The following ACTN3 variants were observed in gnomAD, a reference collection of about 807,000 sequenced individuals.
ACTN3 encodes the protein alpha-actinin-3.
ACTN3 carries 91 observed loss-of-function variants against 119.6 expected under a neutral mutation model. The ratio of observed to expected loss-of-function variants is 0.76; its 90% CI spans 0.64 to 0.91. ACTN3 has a LOEUF of 0.91. ACTN3 is among the 40% of genes least tolerant of loss of function. The pLI, the probability that ACTN3 is intolerant of heterozygous loss-of-function variation, is 0.00. For synonymous variants in ACTN3, 456 were observed against 478.8 expected (o/e 0.95, Z 0.62); for missense variants, 1,221 against 1,215.1 (o/e 1.00, Z -0.07).
intron 11 of ACTN3, 125 bp from the exon 12 acceptor site, chr11:66,559,111 C>T (rs1857671829): frequency 9.4e-7 from 1 of 1,069,248 alleles, no homozygotes; most frequent in Non-Finnish European, 1.3e-6. Context: ...CAGAGCAAAT[C>T]CCTAGGACGA....
At position 66,559,343 on chromosome 11, in the gene ACTN3, C is replaced by G. The variant is rs753414412; in HGVS notation, c.1384C>G (p.Gln462Glu). The change falls in exon 12 of 21, where the codon CAG becomes GAG. Residue 462 changes from glutamine (Q) to glutamate (E), a missense_variant. This residue lies in a region of ACTN3 where 934 missense variants were observed against 899.9 expected (regional missense o/e 1.04). Coordinates refer to ENST00000513398, the MANE Select transcript of ACTN3 (RefSeq NM_001104.4). ...EAFESDLAAH[Q>E]DRVEHIAALA... Reference sequence around the variant, plus strand: ...CTTTGAGAGCGACCTGGCGGCGCACCAGGACCGCGTGGAGCACATTGCCGC... The same window carrying G: ...CTTTGAGAGCGACCTGGCGGCGCACGAGGACCGCGTGGAGCACATTGCCGC... 5 of 1,573,404 alleles carry G rather than the reference C, an allele frequency of 3.2e-6. No homozygotes were observed. Among genetic ancestry groups the G allele is most frequent in the Non-Finnish European group, 1.7e-6 (2 of 1,162,704 alleles).
At chr11:66,559,941 CA>C in intron 12 of ACTN3, 26 bp from the exon 13 acceptor site, 4 of 1,567,288 alleles carry the variant, frequency 2.6e-6, no homozygotes, top group Non-Finnish European at 3.5e-6. Flanking sequence ...GGGCTGGCCC[CA>C]CACTCGCCCT....
At chr11:66,560,332 G>A (rs1401391678) in intron 14 of ACTN3, 21 bp downstream of exon 14, 7 of 1,601,694 alleles carry the variant, frequency 4.4e-6, no homozygotes, top group African/African-American at 1.3e-5. Flanking sequence ...GGGTTGCAGG[G>A]GATGGATAGG....
chr11:66,547,915 C>T (rs1352010716), intron 1 of ACTN3, among the ~76,000 whole-genome samples: 4 of 152,112 alleles, frequency 2.6e-5, no homozygotes, highest in Non-Finnish European at 5.9e-5. Context: ...TTTTCACTCC[C>T]AGACTTTCCC....
intron 1 of ACTN3, among the ~76,000 whole-genome samples, chr11:66,550,894 T>C (rs1857454628): frequency 6.6e-6 from 1 of 152,194 alleles, no homozygotes; most frequent in African/African-American, 2.4e-5. Flanking sequence ...CTGGCTCCTA[T>C]GGTTCAAAAC....
Position 66,563,271 on chromosome 11 carries a change from A to G in ACTN3, c.*78A>G, listed in dbSNP as rs977034988. On this transcript the variant is annotated 3_prime_UTR_variant, in exon 21 of 21. Coordinates refer to ENST00000513398, the MANE Select transcript of ACTN3 (RefSeq NM_001104.4). ...CTGATCCCATCCGTCCCTCGGAGCA[A>G]GGGCCTAAGAGAAAAGCCAGCCAAG... 2.8e-5 allele frequency: 41 copies of G among 1,480,152 alleles called. No homozygotes were observed. The highest frequency in any genetic ancestry group is 3.4e-5 in the Non-Finnish European group (38 of 1,111,840). 91.7% of individuals were successfully genotyped at this position (1,480,152 alleles called of 1,614,324 possible).
At chr11:66,556,513 G>A (rs1857593944) in intron 8 of ACTN3, among the ~76,000 whole-genome samples, 1 of 152,200 alleles carries the variant, frequency 6.6e-6, no homozygotes, top group South Asian at 2.1e-4. Context: ...GAAGTGGCGT[G>A]ATCACGGCTC....
Position 66,554,115 on chromosome 11 carries a change from G to A in ACTN3, c.453G>A (p.Gln151=), listed in dbSNP as rs753695730. ...CCATCATCCTTCGCTTCGCCATCCAGGACATCTCTGTGGAAGGTGAGCAAT... is the reference window on the plus strand; with the variant it reads ...CCATCATCCTTCGCTTCGCCATCCAAGACATCTCTGTGGAAGGTGAGCAAT... ...IWTIILRFAI[Q]DISVEETSAK... is the part of the protein sequence containing the mutation. The change falls in exon 4 of 21, where the codon CAG becomes CAA. Residue 151 remains glutamine (Q), a synonymous_variant. Transcript: ENST00000513398. 1.9e-6 allele frequency: 3 copies of A among 1,613,756 alleles called. No homozygotes were observed. The highest frequency in any genetic ancestry group is 1.3e-5 in the African/African-American group (1 of 74,850).
chr11:66,563,135 C>A lies in ACTN3; in HGVS notation c.2648C>A (p.Ala883Asp). ...CCCTACAAGGGATCCGGGGCCCCGG[C>A]TGGAGCCCTGGACTACGTGGCCTTC... ...MVPYKGSGAP[A>D]GALDYVAFSS... The change falls in exon 21 of 21, where the codon GCT (alanine) becomes GAT (aspartate). Residue 883 changes from alanine (A) to aspartate (D), a missense_variant. Ala to Asp is a moderately radical substitution (Grantham distance 126). Transcript: ENST00000513398. 6.2e-7 allele frequency: 1 copy of A among 1,613,296 alleles called. No individual in the cohort carries two copies. Among genetic ancestry groups the A allele is most frequent in the Non-Finnish European group, 8.5e-7 (1 of 1,179,698 alleles).
At chr11:66,549,700 C>T (rs1439174186) in intron 1 of ACTN3, among the ~76,000 whole-genome samples, 4 of 125,388 alleles carry the variant, frequency 3.2e-5, no homozygotes, top group Non-Finnish European at 6.2e-5. Flanking sequence ...CATTGCACTC[C>T]AGTCTGGGCA....
intron 3 of ACTN3, among the ~76,000 whole-genome samples, chr11:66,552,810 T>C (rs985089411): frequency 6.7e-6 from 1 of 149,736 alleles, no homozygotes; most frequent in South Asian, 2.1e-4. Context: ...TGAACCAAGA[T>C]TGCACCATTG....
intron 1 of ACTN3, among the ~76,000 whole-genome samples, chr11:66,548,372 C>T (rs1857407248): frequency 6.6e-6 from 1 of 152,104 alleles, no homozygotes. Context: ...CCCCCACCCA[C>T]CCGGGCCTCT....
At chr11:66,562,645 C>T (rs1857809159) in intron 19 of ACTN3, 151 bp from the exon 20 acceptor site, 3 of 924,308 alleles carry the variant, frequency 3.2e-6, no homozygotes, top group Non-Finnish European at 5.0e-6. Context: ...TAAAGGACTT[C>T]CTACAGCCAG....
intron 11 of ACTN3, chr11:66,558,742 A>C (rs902366281): frequency 6.2e-6 from 1 of 160,886 alleles, no homozygotes; most frequent in African/African-American, 2.4e-5. Flanking sequence ...GCTCTGATTA[A>C]TTCAATTTAG....
intron 2 of ACTN3, 21 bp downstream of exon 2, chr11:66,551,374 C>T: frequency 6.3e-7 from 1 of 1,586,616 alleles, no homozygotes. Context: ...CAAATCAGTG[C>T]ACCTGGGCCC....
intron 14 of ACTN3, 61 bp from the exon 15 acceptor site, chr11:66,560,512 C>T: frequency 6.4e-7 from 1 of 1,554,028 alleles, no homozygotes; most frequent in Non-Finnish European, 8.7e-7. Flanking sequence ...CACTGCTGCC[C>T]TTTCTGTTGC....
intron 5 of ACTN3, 105 bp from the exon 6 acceptor site, chr11:66,555,025 C>T: frequency 4.9e-6 from 5 of 1,012,798 alleles, no homozygotes; most frequent in South Asian, 1.4e-5. Flanking sequence ...GTACTTTACT[C>T]CATTTTACAG....
chr11:66,553,987 C>A, intron 3 of ACTN3, 58 bp from the exon 4 acceptor site: 1 of 1,489,218 alleles, frequency 6.7e-7, no homozygotes, highest in South Asian at 1.2e-5. Context: ...TAAGCTGAGG[C>A]CAGATAGCAC....
chr11:66,546,587 A>T (rs1469452780), upstream of ACTN3: 1 of 1,535,500 alleles, frequency 6.5e-7, no homozygotes, highest in Admixed American at 2.0e-5. Context: ...CAGCCTCTAG[A>T]GCGGCCCGCG....
Sources: gnomAD v4.1 joint callset for allele counts (sites outside exome capture counted in the v4.1 genomes callset) on GRCh38, gnomAD v4.1.1 for gene constraint, gnomAD v4.1.1 regional missense constraint, MANE v1.5 for transcripts, NCBI Gene and HGNC (gene_info 2026-07-23, HGNC 2026-07-21) for gene names.